PSMC1: variants seen among roughly 807,000 people sequenced by gnomAD.
The protein encoded by PSMC1 is 26S proteasome regulatory subunit 4.
In PSMC1, 5 loss-of-function variants were observed where a neutral mutation model predicts 49.8. The observed-to-expected ratio is 0.10, with a 90% CI of 0.05 to 0.21. PSMC1 has a LOEUF of 0.21. Among genes scored for constraint, PSMC1 ranks in the 10% least tolerant of loss-of-function variants. The pLI is 1.00. For missense variants in PSMC1, 181 were observed against 535.7 expected (o/e 0.34, Z 6.54); for synonymous variants, 155 against 192.1 (o/e 0.81, Z 1.60).
rs141183940 is a variant in PSMC1, at chr14:90,275,010, T to A, written c.*2603T>A. 3.9e-5 allele frequency: 6 copies of A among 152,324 alleles called. No homozygotes were observed. The highest frequency in any genetic ancestry group is 9.6e-5 in the African/African-American group (4 of 41,556). 9.4% of individuals were successfully genotyped at this position (152,324 alleles called of 1,614,324 possible). On this transcript the variant is annotated 3_prime_UTR_variant, in exon 11 of 11. Transcript: ENST00000261303. Reference sequence around the variant, plus strand: ...TGCACATCATCAGTAATGGGCACTTTGAAAGTACGTGCCACCCAAGAGTGT... The same window carrying A: ...TGCACATCATCAGTAATGGGCACTTAGAAAGTACGTGCCACCCAAGAGTGT...
Position 90,270,457 on chromosome 14 carries a change from CTG to C in PSMC1, c.1188+107_1188+108del, listed in dbSNP as rs557888910. 6 of 1,279,216 alleles carry C rather than the reference CTG, an allele frequency of 4.7e-6. No individual in the cohort carries two copies. In the East Asian group the frequency reaches 1.3e-4, roughly 27 times the overall value. 79.2% of individuals were successfully genotyped at this position (1,279,216 alleles called of 1,614,324 possible). A position where few individuals can be genotyped will look rare whatever the true frequency, so the allele number is the denominator to read the frequency against. The stretch of plus-strand genomic sequence containing the variant: ...GTGGTTGGCCTGGACAGGTGGGTGT[CTG>C]TATTTTAATCATCATATTGGTTTAC... On this transcript the variant is annotated intron_variant, in intron 10 of 10. Coordinates refer to ENST00000261303, the MANE Select transcript of PSMC1 (RefSeq NM_002802.3).
Position 90,268,204 on chromosome 14 carries a change from ATC to A in PSMC1, c.692-18_692-17del. 7.1e-7 allele frequency: 1 copy of A among 1,418,416 alleles called. No homozygotes were observed. Among genetic ancestry groups the A allele is most frequent in the Non-Finnish European group, 9.3e-7 (1 of 1,078,312 alleles). The allele number at this position is 1,418,416 out of a possible 1,614,324, so 87.9% of individuals were successfully genotyped here. On this transcript the variant is annotated intron_variant, in intron 7 of 10. Coordinates refer to ENST00000261303, the MANE Select transcript of PSMC1 (RefSeq NM_002802.3). ...CACTTAAGGTGTCTTTTTTTTTTTTATCTTTTTCATCCAAAATAGGTAAAACC... is the reference window on the plus strand; with the variant it reads ...CACTTAAGGTGTCTTTTTTTTTTTTATTTTTCATCCAAAATAGGTAAAACC...
chr14:90,257,515 T>C (rs193076377), intron 1 of PSMC1, among the ~76,000 whole-genome samples: 33 of 152,314 alleles, frequency 2.2e-4, no homozygotes, highest in Admixed American at 4.6e-4. Context: ...AGGCAGAAGA[T>C]ACAGCAAGTG....
Position 90,272,179 on chromosome 14 carries a change from C to A in PSMC1, c.1189-94C>A, listed in dbSNP as rs1891686825. 4 of 1,419,016 alleles carry A rather than the reference C, an allele frequency of 2.8e-6. No individual in the cohort carries two copies. In the East Asian group the frequency reaches 7.5e-5, roughly 26 times the overall value. 87.9% of individuals were successfully genotyped at this position (1,419,016 alleles called of 1,614,324 possible). On this transcript the variant is annotated intron_variant, in intron 10 of 10. Transcript: ENST00000261303. The surrounding 1 kb of genome is among the most constrained non-coding windows in gnomAD (Gnocchi z 4.5). The stretch of plus-strand genomic sequence containing the variant: ...AGAGTGCTGGGATTACAGGTGTGAG[C>A]CACCGCGCCTGGCCTCAGAATAGGT...
chr14:90,257,587 T>C (rs2139639719), intron 1 of PSMC1, among the ~76,000 whole-genome samples: 1 of 152,306 alleles, frequency 6.6e-6, no homozygotes, highest in Non-Finnish European at 1.5e-5. Flanking sequence ...CCAGATCTCA[T>C]AGAGGTCTTT....
chr14:90,258,389 A>C (rs765694092), intron 1 of PSMC1, among the ~76,000 whole-genome samples: 1 of 152,232 alleles, frequency 6.6e-6, no homozygotes, highest in Non-Finnish European at 1.5e-5. Context: ...GTATTAATTT[A>C]GAAGTGCCTG....
intron 3 of PSMC1, among the ~76,000 whole-genome samples, chr14:90,262,733 G>T (rs1891424757): frequency 6.6e-6 from 1 of 151,648 alleles, no homozygotes. Flanking sequence ...GCAATGAGCT[G>T]AGATCGCGCC....
At position 90,263,655 on chromosome 14, in the gene PSMC1, T is replaced by C. The variant is rs1891447584; in HGVS notation, c.280-7T>C. On this transcript the variant is annotated splice_region_variant and splice_polypyrimidine_tract_variant and intron_variant, in intron 4 of 10. Coordinates refer to ENST00000261303, the MANE Select transcript of PSMC1 (RefSeq NM_002802.3). ...CTGCTTTTTTCCCTTGGCATTTTCA[T>C]ATGTAGGAGGAAAGATCAAAAGTGG... 1.2e-6 allele frequency: 2 copies of C among 1,612,546 alleles called. No individual in the cohort carries two copies. The highest frequency in any genetic ancestry group is 1.7e-6 in the Non-Finnish European group (2 of 1,179,002).
intron 3 of PSMC1, among the ~76,000 whole-genome samples, chr14:90,262,874 A>G (rs893898621): frequency 2.6e-5 from 4 of 152,058 alleles, no homozygotes; most frequent in Non-Finnish European, 4.4e-5. Flanking sequence ...TATTTGCCAT[A>G]TATGTGATAA....
At chr14:90,262,623 A>G (rs1313826880) in intron 3 of PSMC1, among the ~76,000 whole-genome samples, 5 of 152,130 alleles carry the variant, frequency 3.3e-5, no homozygotes, top group African/African-American at 1.2e-4. Context: ...TCTCTGCTAA[A>G]AATCCAAAAA....
chr14:90,265,285 G>A (rs1028147429), intron 7 of PSMC1, 119 bp downstream of exon 7: 4 of 662,904 alleles, frequency 6.0e-6, no homozygotes, highest in Non-Finnish European at 7.6e-6. Context: ...TTTAAAACAG[G>A]GCTGCTCAAC....
chr14:90,265,262 C>T, intron 7 of PSMC1, 96 bp downstream of exon 7: 1 of 812,188 alleles, frequency 1.2e-6, no homozygotes, highest in Non-Finnish European at 2.0e-6. Context: ...GAGAGGACAC[C>T]ACAATTCCTT....
chr14:90,263,270 G>T, intron 3 of PSMC1, 48 bp from the exon 4 acceptor site: 1 of 1,535,982 alleles, frequency 6.5e-7, no homozygotes, highest in Non-Finnish European at 8.7e-7. Context: ...TTCCTTACTT[G>T]CAAACTTCAG....
At chr14:90,257,124 G>C (rs1891309989) in intron 1 of PSMC1, among the ~76,000 whole-genome samples, 1 of 152,188 alleles carries the variant, frequency 6.6e-6, no homozygotes, top group African/African-American at 2.4e-5. Context: ...AAGACGGAAA[G>C]GGCCCGTGGT....
intron 3 of PSMC1, among the ~76,000 whole-genome samples, chr14:90,260,767 C>T (rs569045897): frequency 7.9e-4 from 120 of 152,210 alleles, no homozygotes; most frequent in Admixed American, 1.8e-3. Flanking sequence ...CACCATTTTT[C>T]TTTAACTGGC....
chr14:90,260,934 CCAG>C (rs1891386305), intron 3 of PSMC1, among the ~76,000 whole-genome samples: 1 of 152,042 alleles, frequency 6.6e-6, no homozygotes, highest in Non-Finnish European at 1.5e-5. Context: ...ATGACAAAAC[CCAG>C]GTTGAACTTT....
Position 90,256,559 on chromosome 14 carries a change from G to C in PSMC1, c.-39G>C. 1 of 1,578,742 alleles carries C rather than the reference G, an allele frequency of 6.3e-7. No homozygotes were observed. The highest frequency in any genetic ancestry group is 8.6e-7 in the Non-Finnish European group (1 of 1,162,006). On this transcript the variant is annotated 5_prime_UTR_variant, in exon 1 of 11. Coordinates refer to ENST00000261303, the MANE Select transcript of PSMC1 (RefSeq NM_002802.3). The stretch of plus-strand genomic sequence containing the variant: ...GCCTCTGGCGGGCCGCAGTGGTGGA[G>C]GAACTTCCGGCAGCGGCAGCTCAAG...
chr14:90,274,829 CA>C lies in PSMC1; in HGVS notation c.*2423del, dbSNP rs1566678106. 0.053 allele frequency: 5,251 copies of C among 99,770 alleles called. 118 individuals are homozygous for C. The highest frequency in any genetic ancestry group is 0.1 in the Middle Eastern group (20 of 194). The allele number at this position is 99,770 out of a possible 1,614,324, so 6.2% of individuals were successfully genotyped here. Reference sequence around the variant, plus strand: ...ACACACACACACACACACACACACACACACACACACCCCAATACATATGAAT... The same window carrying C: ...ACACACACACACACACACACACACACCACACACACCCCAATACATATGAAT... On this transcript the variant is annotated 3_prime_UTR_variant, in exon 11 of 11. Coordinates refer to ENST00000261303, the MANE Select transcript of PSMC1 (RefSeq NM_002802.3).
intron 2 of PSMC1, among the ~76,000 whole-genome samples, chr14:90,259,526 A>T (rs1037966521): frequency 2.0e-5 from 3 of 152,210 alleles, no homozygotes; most frequent in Non-Finnish European, 4.4e-5. Context: ...CAGGTTACCT[A>T]AACTTTTGGC....
Sources: gnomAD v4.1 joint callset for allele counts (sites outside exome capture counted in the v4.1 genomes callset) on GRCh38, gnomAD v4.1.1 for gene constraint, Gnocchi (gnomAD v3.1) non-coding constraint, MANE v1.5 for transcripts, NCBI Gene and HGNC (gene_info 2026-07-23, HGNC 2026-07-21) for gene names.